The following GPR158 variants were observed in gnomAD, a reference collection of about 807,000 sequenced individuals.
GPR158 encodes the protein G protein-coupled receptor 158.
GPR158 carries 30 observed loss-of-function variants against 78.2 expected under a neutral mutation model. The observed-to-expected ratio is 0.38, with a 90% CI of 0.29 to 0.52. The LOEUF is 0.52. Ranked by LOEUF, GPR158 falls within the 20% of genes least tolerant of loss-of-function variation. The probability of loss-of-function intolerance (pLI) is 0.83; values close to 1 mark genes in which losing one functional copy is unlikely to be tolerated. For missense variants in GPR158, 1,463 were observed against 1,523.5 expected, an observed-to-expected ratio of 0.96 and a Z score of 0.66; for synonymous variants, 581 against 591.1, an observed-to-expected ratio of 0.98 and a Z score of 0.25.
chr10:25,543,943 T>C (rs569344620), intron 5 of GPR158, among the ~76,000 whole-genome samples: 3 of 152,160 alleles, frequency 2.0e-5, no homozygotes, highest in Non-Finnish European at 4.4e-5. Flanking sequence ...AGCCTTGCTC[T>C]CAAAGACTGT....
chr10:25,520,908 C>A (rs377567125), intron 5 of GPR158, among the ~76,000 whole-genome samples: 23 of 152,290 alleles, frequency 1.5e-4, no homozygotes, highest in South Asian at 4.1e-4. Flanking sequence ...TGGAGCTTCC[C>A]GGCTTCTTTG....
intron 2 of GPR158, among the ~76,000 whole-genome samples, chr10:25,279,979 AAG>A (rs1252300492): frequency 2.0e-5 from 3 of 151,884 alleles, no homozygotes; most frequent in African/African-American, 7.3e-5. Context: ...AAAAAAAAAA[AAG>A]AAAATATTAT....
chr10:25,334,802 T>C (rs1393194406), intron 2 of GPR158, among the ~76,000 whole-genome samples: 2 of 142,928 alleles, frequency 1.4e-5, no homozygotes, highest in Admixed American at 6.7e-5. Flanking sequence ...AAGACAAATA[T>C]GAAATGAGAT....
At chr10:25,351,432 G>A (rs67989843) in intron 2 of GPR158, among the ~76,000 whole-genome samples, 17,688 of 132,722 alleles carry the variant, frequency 0.13, 1,356 homozygotes, top group Non-Finnish European at 0.2. Flanking sequence ...AGTTGGGGGT[G>A]GGGGGGTGCT....
At chr10:25,274,507 A>G (rs944422987) in intron 2 of GPR158, among the ~76,000 whole-genome samples, 1 of 152,206 alleles carries the variant, frequency 6.6e-6, no homozygotes, top group African/African-American at 2.4e-5. Context: ...TGTGACTTGT[A>G]AAACAACTTA....
At chr10:25,467,407 T>G (rs1835439598) in intron 5 of GPR158, among the ~76,000 whole-genome samples, 1 of 152,162 alleles carries the variant, frequency 6.6e-6, no homozygotes, top group Admixed American at 6.5e-5. Context: ...TCTAGCTATG[T>G]TAATAGAGAC....
At chr10:25,505,002 C>A (rs1835992489) in intron 5 of GPR158, among the ~76,000 whole-genome samples, 2 of 152,166 alleles carry the variant, frequency 1.3e-5, no homozygotes, top group African/African-American at 4.8e-5. Flanking sequence ...ATTATGTAAT[C>A]TTTATATTCC....
At chr10:25,425,847 G>T (rs1036429211) in intron 4 of GPR158, among the ~76,000 whole-genome samples, 1 of 152,156 alleles carries the variant, frequency 6.6e-6, no homozygotes, top group Non-Finnish European at 1.5e-5. Flanking sequence ...TGTTATATTT[G>T]TATGGTTTCC....
At chr10:25,306,193 G>A (rs747876096) in intron 2 of GPR158, among the ~76,000 whole-genome samples, 3 of 151,968 alleles carry the variant, frequency 2.0e-5, no homozygotes, top group Non-Finnish European at 2.9e-5. Context: ...TTCCCTTATC[G>A]AGGATGTACA....
chr10:25,592,636 T>G (rs1837356571), intron 8 of GPR158, among the ~76,000 whole-genome samples: 1 of 152,050 alleles, frequency 6.6e-6, no homozygotes, highest in Non-Finnish European at 1.5e-5. Flanking sequence ...GGTGGTTTTT[T>G]AAAGTTTCAC....
chr10:25,232,140 A>G (rs924439500), intron 2 of GPR158, among the ~76,000 whole-genome samples: 3 of 151,574 alleles, frequency 2.0e-5, no homozygotes, highest in Non-Finnish European at 4.4e-5. Context: ...GGGGGAAAAA[A>G]CCTACCTATT....
At chr10:25,509,622 T>C (rs1313058666) in intron 5 of GPR158, among the ~76,000 whole-genome samples, 2 of 152,184 alleles carry the variant, frequency 1.3e-5, no homozygotes, top group Non-Finnish European at 2.9e-5. Context: ...GTGTGGATGT[T>C]TGACTTCCTT....
intron 2 of GPR158, among the ~76,000 whole-genome samples, chr10:25,279,218 A>G (rs993275055): frequency 9.9e-5 from 15 of 152,254 alleles, no homozygotes; most frequent in African/African-American, 2.9e-4. Context: ...CATAAATTTC[A>G]CGCTAGTGAT....
At chr10:25,560,684 G>T (rs1477571779) in intron 6 of GPR158, among the ~76,000 whole-genome samples, 1 of 152,220 alleles carries the variant, frequency 6.6e-6, no homozygotes, top group Middle Eastern at 3.2e-3. Flanking sequence ...GATCACACCA[G>T]TTAAATGGGA....
chr10:25,558,443 C>T (rs1304960487), intron 6 of GPR158, among the ~76,000 whole-genome samples: 1 of 152,122 alleles, frequency 6.6e-6, no homozygotes, highest in Admixed American at 6.5e-5. Flanking sequence ...TTACTTCAGG[C>T]AGCAAAACGG....
chr10:25,376,171 T>G (rs1045092620), intron 2 of GPR158, among the ~76,000 whole-genome samples: 1 of 151,594 alleles, frequency 6.6e-6, no homozygotes, highest in Non-Finnish European at 1.5e-5. Flanking sequence ...TTTTGGATGA[T>G]TATAAATGGT....
At chr10:25,564,321 G>A (rs1286214757) in intron 6 of GPR158, among the ~76,000 whole-genome samples, 1 of 152,106 alleles carries the variant, frequency 6.6e-6, no homozygotes, top group African/African-American at 2.4e-5. Flanking sequence ...AATGTTCCAG[G>A]CTTCTAGATT....
At chr10:25,305,350 G>A (rs186632108) in intron 2 of GPR158, among the ~76,000 whole-genome samples, 1 of 152,296 alleles carries the variant, frequency 6.6e-6, no homozygotes, top group Admixed American at 6.5e-5. Flanking sequence ...ATGTGCCAGG[G>A]TGTGTTAAGT....
chr10:25,554,654 C>G (rs1836764738), intron 6 of GPR158, among the ~76,000 whole-genome samples: 2 of 152,160 alleles, frequency 1.3e-5, no homozygotes, highest in Non-Finnish European at 2.9e-5. Flanking sequence ...CCCCACATTT[C>G]AGAGTCATAT....
Sources: gnomAD v4.1 joint callset for allele counts (sites outside exome capture counted in the v4.1 genomes callset) on GRCh38, gnomAD v4.1.1 for gene constraint, MANE v1.5 for transcripts, NCBI Gene and HGNC (gene_info 2026-07-23, HGNC 2026-07-21) for gene names.